Variants in PDE1C observed in about 807,000 individuals in gnomAD.
PDE1C encodes the protein dual specificity calcium/calmodulin-dependent 3',5'-cyclic nucleotide phosphodiesterase 1C.
In PDE1C, 62 loss-of-function variants were observed where a neutral mutation model predicts 93.1. The observed-to-expected ratio is 0.67, with a 90% CI of 0.54 to 0.82. PDE1C has a LOEUF of 0.82. PDE1C is among the 40% of genes least tolerant of loss of function. The pLI is 0.00. For missense variants in PDE1C, 742 were observed against 884.6 expected, an observed-to-expected ratio of 0.84 and a Z score of 2.04; for synonymous variants, 325 against 310.1, an observed-to-expected ratio of 1.05 and a Z score of -0.50.
the PDE1C span, among the ~76,000 whole-genome samples, chr7:31,655,446 C>G: frequency 2.6e-5 from 4 of 152,168 alleles, no homozygotes; most frequent in Admixed American, 2.6e-4. Context: ...CTGCACTGGC[C>G]TCTGCCAGGT....
In PDE1C at chr7:31,908,124, T is replaced by A. The variant is rs191264234; in HGVS notation, c.129-27264A>T. ...GACAAAAGTGACATTCAGTCATTAG[T>A]AATATTGCTAAAAAAGTGAAATTCA... is the stretch of plus-strand genomic sequence containing the variant. On this transcript the variant is annotated intron_variant, in intron 2 of 17. Transcript: ENST00000396191. Among the ~76,000 whole-genome samples the A allele has an allele frequency of 1.6e-3, 247 of 152,314 alleles. 1 individual carries two copies. The highest frequency in any genetic ancestry group is 5.6e-3 in the African/African-American group (232 of 41,560).
intron 11 of PDE1C, among the ~76,000 whole-genome samples, chr7:31,832,238 T>C (rs929244232): frequency 1.2e-4 from 18 of 152,178 alleles, no homozygotes; most frequent in African/African-American, 4.1e-4. Context: ...TTAAAAGAAT[T>C]GTAAGAGATG....
intron 2 of PDE1C, among the ~76,000 whole-genome samples, chr7:32,184,489 T>G (rs936533438): frequency 6.6e-6 from 1 of 152,234 alleles, no homozygotes; most frequent in African/African-American, 2.4e-5. Context: ...GATGAGTTCA[T>G]GTCCTTTGTA....
intron 11 of PDE1C, among the ~76,000 whole-genome samples, chr7:31,828,680 A>T (rs1583499795): frequency 6.6e-6 from 1 of 152,136 alleles, no homozygotes; most frequent in East Asian, 1.9e-4. Context: ...GCCTGCAGCC[A>T]GCACTGCAGG....
At chr7:32,051,408 C>T (rs1793337390) in intron 2 of PDE1C, 146 bp downstream of exon 2, 1 of 733,858 alleles carries the variant, frequency 1.4e-6, no homozygotes, top group African/African-American at 1.8e-5. Context: ...ATTACAGCAG[C>T]AGTCACGATC....
intron 1 of PDE1C, among the ~76,000 whole-genome samples, chr7:32,390,294 C>T (rs770310026): frequency 6.6e-6 from 1 of 151,814 alleles, no homozygotes. Context: ...AATTAAGATG[C>T]ATATTGTACT....
chr7:31,837,027 C>T (rs1791201947), intron 11 of PDE1C, among the ~76,000 whole-genome samples, 153 bp downstream of exon 11: 1 of 152,158 alleles, frequency 6.6e-6, no homozygotes, highest in Non-Finnish European at 1.5e-5. Context: ...ATTCAAATAT[C>T]ACATGACCAA....
At chr7:32,398,311 A>AAG (rs1015355574) in intron 1 of PDE1C, among the ~76,000 whole-genome samples, 29 of 151,688 alleles carry the variant, frequency 1.9e-4, no homozygotes, top group Non-Finnish European at 4.0e-4. Flanking sequence ...TCAAAAAAAA[A>AAG]AAAAAGAAAA....
chr7:31,636,017 C>T, the PDE1C span, among the ~76,000 whole-genome samples: 207 of 152,230 alleles, frequency 1.4e-3, no homozygotes, highest in African/African-American at 4.5e-3. Flanking sequence ...CTTACAATCA[C>T]GGCAGAAGGC....
intron 9 of PDE1C, among the ~76,000 whole-genome samples, chr7:31,842,062 T>A (rs1356502522): frequency 6.6e-6 from 1 of 152,080 alleles, no homozygotes; most frequent in Non-Finnish European, 1.5e-5. Flanking sequence ...GTTAATCTCA[T>A]CCAAAAACAC....
intron 1 of PDE1C, among the ~76,000 whole-genome samples, chr7:32,399,472 G>T (rs779914869): frequency 6.6e-6 from 1 of 152,050 alleles, no homozygotes; most frequent in Non-Finnish European, 1.5e-5. Flanking sequence ...GCTGGCTTGC[G>T]GGCGGTGCCT....
chr7:32,360,484 G>T (rs1467880998), intron 1 of PDE1C, among the ~76,000 whole-genome samples: 3 of 12,488 alleles, frequency 2.4e-4, no homozygotes, highest in East Asian at 9.3e-3. Context: ...AAAGGGAAGC[G>T]GTGGAGAGTG....
the PDE1C span, among the ~76,000 whole-genome samples, chr7:31,725,469 G>A: frequency 1.3e-5 from 2 of 152,206 alleles, no homozygotes; most frequent in Non-Finnish European, 2.9e-5. Context: ...CTACAACTGA[G>A]AACTTCCTGA....
At chr7:32,226,531 C>T (rs565562037) in intron 1 of PDE1C, among the ~76,000 whole-genome samples, 3 of 152,200 alleles carry the variant, frequency 2.0e-5, no homozygotes, top group East Asian at 1.9e-4. Flanking sequence ...GAAGATGAAG[C>T]GGGCCTGGGG....
At chr7:32,153,886 T>TC (rs1460490820) in intron 3 of PDE1C, among the ~76,000 whole-genome samples, 5 of 152,152 alleles carry the variant, frequency 3.3e-5, no homozygotes, top group South Asian at 4.2e-4. Flanking sequence ...TCTCTCTCTT[T>TC]CCCCCCACAA....
chr7:31,809,155 G>A (rs529134828), intron 15 of PDE1C, 47 bp from the exon 16 acceptor site: 1 of 1,047,884 alleles, frequency 9.5e-7, no homozygotes, highest in African/African-American at 1.6e-5. Context: ...CAGCTGAGGG[G>A]GTTGTTATAA....
intron 1 of PDE1C, among the ~76,000 whole-genome samples, chr7:32,426,417 G>A (rs1262955326): frequency 6.6e-6 from 1 of 151,998 alleles, no homozygotes; most frequent in South Asian, 2.1e-4. Context: ...GGGACTACAG[G>A]CATGCACCAT....
intron 2 of PDE1C, among the ~76,000 whole-genome samples, chr7:32,206,480 A>C (rs1208979275): frequency 2.0e-5 from 3 of 152,156 alleles, no homozygotes; most frequent in Non-Finnish European, 4.4e-5. Flanking sequence ...AGCATCCCAG[A>C]GAGCAGGACT....
chr7:32,157,487 TA>T (rs1210206957), intron 3 of PDE1C, among the ~76,000 whole-genome samples: 1 of 151,824 alleles, frequency 6.6e-6, no homozygotes, highest in African/African-American at 2.4e-5. Flanking sequence ...AAAAATAAAA[TA>T]CGGGAACCTA....
Sources: allele counts gnomAD v4.1 joint callset (sites outside exome capture counted in the v4.1 genomes callset), GRCh38; gene constraint gnomAD v4.1.1; transcripts MANE v1.5; gene names NCBI Gene and HGNC (gene_info 2026-07-23, HGNC 2026-07-21).